The following PRUNE2 variants were observed in gnomAD, a reference collection of about 807,000 sequenced individuals.
PRUNE2 encodes the protein prune homolog 2 with BCH domain, also known as protein prune homolog 2.
A neutral mutation model predicts 252.0 loss-of-function variants in PRUNE2; 164 were observed. The observed-to-expected ratio is 0.65, with a 90% CI of 0.57 to 0.74. The LOEUF (loss-of-function observed/expected upper bound fraction) is 0.74. PRUNE2 is among the 30% of genes least tolerant of loss of function. The pLI, the probability that PRUNE2 is intolerant of heterozygous loss-of-function variation, is 0.00. For missense variants in PRUNE2, 3,495 were observed against 3,711.0 expected (o/e 0.94, Z 1.51); for synonymous variants, 1,292 against 1,350.2 (o/e 0.96, Z 0.94).
chr9:76,867,472 A>G (rs1564469461), intron 1 of PRUNE2, among the ~76,000 whole-genome samples: 1 of 152,194 alleles, frequency 6.6e-6, no homozygotes, highest in Non-Finnish European at 1.5e-5. Flanking sequence ...TACTTCCAAG[A>G]GCTGTCAGGT....
At chr9:76,863,830 T>C (rs577527493) in intron 1 of PRUNE2, among the ~76,000 whole-genome samples, 1 of 152,290 alleles carries the variant, frequency 6.6e-6, no homozygotes, top group East Asian at 1.9e-4. Flanking sequence ...AAATCTAAAC[T>C]GTCACTGTTG....
intron 6 of PRUNE2, among the ~76,000 whole-genome samples, chr9:76,751,945 AT>A (rs1311196027): frequency 6.6e-6 from 1 of 152,170 alleles, no homozygotes; most frequent in Non-Finnish European, 1.5e-5. Flanking sequence ...ATCCACTGAA[AT>A]TTCTTCTCCC....
intron 16 of PRUNE2, among the ~76,000 whole-genome samples, chr9:76,625,272 C>T (rs926919717): frequency 4.6e-5 from 7 of 152,160 alleles, no homozygotes; most frequent in African/African-American, 9.7e-5. Flanking sequence ...ATCTTTTCTA[C>T]GTGTACATAC....
chr9:76,879,352 T>G (rs1305148849), intron 1 of PRUNE2, among the ~76,000 whole-genome samples: 1 of 152,250 alleles, frequency 6.6e-6, no homozygotes, highest in Non-Finnish European at 1.5e-5. Context: ...ACACAATGAA[T>G]GTCTACAGCA....
intron 1 of PRUNE2, among the ~76,000 whole-genome samples, chr9:76,877,455 T>C (rs2061537611): frequency 6.6e-6 from 1 of 152,030 alleles, no homozygotes; most frequent in African/African-American, 2.4e-5. Flanking sequence ...ATTGTGCCAC[T>C]TGACTCCAGC....
chr9:76,783,117 G>T (rs549251342), intron 6 of PRUNE2, among the ~76,000 whole-genome samples: 1 of 152,090 alleles, frequency 6.6e-6, no homozygotes, highest in South Asian at 2.1e-4. Context: ...AACATCAGTT[G>T]TATCTGACTA....
At chr9:76,827,173 C>A (rs1589432393) in intron 4 of PRUNE2, among the ~76,000 whole-genome samples, 1 of 152,246 alleles carries the variant, frequency 6.6e-6, no homozygotes, top group Admixed American at 6.5e-5. Context: ...ATTTTACATA[C>A]AAACTTCTTC....
chr9:76,715,483 G>A (rs2047070660), intron 6 of PRUNE2, among the ~76,000 whole-genome samples: 1 of 152,110 alleles, frequency 6.6e-6, no homozygotes, highest in African/African-American at 2.4e-5. Context: ...TTTTTTGGTT[G>A]CAAGGAATTG....
chr9:76,825,589 T>C lies in PRUNE2; in HGVS notation c.661+991A>G, dbSNP rs184963363. On this transcript the variant is annotated intron_variant, in intron 5 of 18. Transcript: ENST00000376718. ...ATTTAGTGTTTACATCTTAAAGACA[T>C]ATAGGCTGGGTTTAGGCCTTGCCTG... 6.6e-4 allele frequency among the ~76,000 whole-genome samples: 100 copies of C among 152,370 alleles called. 1 individual carries two copies. In the East Asian group the frequency reaches 0.019, roughly 29 times the overall value.
rs776613537 is a variant in PRUNE2, at chr9:76,706,334, A to AT, written c.5939dup (p.Asn1980LysfsTer2). 4.3e-6 allele frequency: 7 copies of AT among 1,613,928 alleles called. No homozygotes were observed. In the South Asian group the frequency reaches 7.7e-5, roughly 18 times the overall value. ...TTGAAACATTAGATGTAACACAACT[A>AT]TTTTCCTCTGCGTGAGTAAAGGCTG... On this transcript the variant is annotated frameshift_variant, in exon 8 of 19. Transcript: ENST00000376718. LOFTEE classifies it high-confidence loss of function.
chr9:76,870,053 G>C (rs1301388756), intron 1 of PRUNE2, among the ~76,000 whole-genome samples: 1 of 152,122 alleles, frequency 6.6e-6, no homozygotes, highest in East Asian at 1.9e-4. Context: ...TGCTGTTATA[G>C]TAGAAGAATA....
At chr9:76,726,755 CCTTGAAGT>C (rs1408828789) in intron 6 of PRUNE2, among the ~76,000 whole-genome samples, 1 of 152,042 alleles carries the variant, frequency 6.6e-6, no homozygotes, top group African/African-American at 2.4e-5. Context: ...TCTTTTTGGC[CCTTGAAGT>C]CTTCAGAAGC....
Position 76,884,186 on chromosome 9 carries a change from T to C in PRUNE2, c.36+21742A>G, listed in dbSNP as rs186113518. ...CAAAGCACACTTGGGTTATAGTTCCTAAGGAAGTGGTGATTAACTGTTCCA... is the reference window on the plus strand; with the variant it reads ...CAAAGCACACTTGGGTTATAGTTCCCAAGGAAGTGGTGATTAACTGTTCCA... On this transcript the variant is annotated intron_variant, in intron 1 of 18. Transcript: ENST00000376718. Among the ~76,000 whole-genome samples the C allele has an allele frequency of 5.9e-5, 9 of 152,266 alleles. No homozygotes were observed. The East Asian group carries it at 1.7e-3, about 29-fold the overall frequency.
At chr9:76,814,619 G>A (rs906537371) in intron 6 of PRUNE2, among the ~76,000 whole-genome samples, 5 of 152,138 alleles carry the variant, frequency 3.3e-5, no homozygotes, top group African/African-American at 1.2e-4. Context: ...AGACAGTGAA[G>A]GGGTAGCTAA....
chr9:76,901,980 G>A (rs1459510720), intron 1 of PRUNE2, among the ~76,000 whole-genome samples: 1 of 152,084 alleles, frequency 6.6e-6, no homozygotes, highest in Non-Finnish European at 1.5e-5. Context: ...CTACATCATA[G>A]GGCATGAGGG....
At position 76,671,970 on chromosome 9, in the gene PRUNE2, G is replaced by A. The variant is rs969253523; in HGVS notation, c.8277-16468C>T. ...ATCATGCCAAAATGTAAAGACCATC[G>A]AGACTAGGAAGAAACTGCATCAACT... is the stretch of plus-strand genomic sequence containing the variant. On this transcript the variant is annotated intron_variant, in intron 9 of 18. Transcript: ENST00000376718. 1.5e-3 allele frequency among the ~76,000 whole-genome samples: 227 copies of A among 151,858 alleles called. 1 individual carries two copies. Among genetic ancestry groups the A allele is most frequent in the African/African-American group, 5.0e-3 (206 of 41,408 alleles).
chr9:76,767,905 T>C (rs150421221), intron 6 of PRUNE2, among the ~76,000 whole-genome samples: 117 of 152,334 alleles, frequency 7.7e-4, no homozygotes, highest in African/African-American at 2.4e-3. Flanking sequence ...CTAACCCTCT[T>C]GGTTCCTCAC....
chr9:76,807,061 C>CGCGCGT (rs1434470578), intron 6 of PRUNE2, among the ~76,000 whole-genome samples: 4 of 146,098 alleles, frequency 2.7e-5, no homozygotes, highest in Non-Finnish European at 3.0e-5. Context: ...TGCGCGCGCG[C>CGCGCGT]GTGTGTCTGT....
intron 5 of PRUNE2, among the ~76,000 whole-genome samples, chr9:76,824,244 T>C (rs2058213680): frequency 1.3e-5 from 2 of 151,686 alleles, no homozygotes; most frequent in South Asian, 4.2e-4. Context: ...TACTTAGGGG[T>C]CCACCTCTGG....
Sources: allele counts gnomAD v4.1 joint callset (sites outside exome capture counted in the v4.1 genomes callset), GRCh38; gene constraint gnomAD v4.1.1; transcripts MANE v1.5; gene names NCBI Gene and HGNC (gene_info 2026-07-23, HGNC 2026-07-21).